KLHL2: variants seen among roughly 807,000 people sequenced by gnomAD.
KLHL2 encodes the protein kelch like family member 2, also known as kelch-like protein 2.
KLHL2 carries 15 observed loss-of-function variants against 75.8 expected under a neutral mutation model. The ratio of observed to expected loss-of-function variants is 0.20; its 90% CI spans 0.13 to 0.30. The LOEUF (loss-of-function observed/expected upper bound fraction) is 0.30, where lower values mean the gene tolerates loss of function less well. KLHL2 is among the 10% of genes least tolerant of loss of function. The pLI is 1.00. For missense variants in KLHL2, 381 were observed against 741.0 expected (o/e 0.51, Z 5.64); for synonymous variants, 214 against 251.9 (o/e 0.85, Z 1.42).
At chr4:165,305,009 G>A (rs1346594688) in intron 8 of KLHL2, among the ~76,000 whole-genome samples, 1 of 152,118 alleles carries the variant, frequency 6.6e-6, no homozygotes, top group Non-Finnish European at 1.5e-5. Flanking sequence ...ATGATATCTA[G>A]CATCTCCATT....
Position 165,291,752 on chromosome 4 carries a change from G to A in KLHL2, c.545-2607G>A, listed in dbSNP as rs191601119. Among the ~76,000 whole-genome samples the A allele has an allele frequency of 1.1e-3, 166 of 152,210 alleles. 3 individuals carry two copies. The South Asian group carries it at 0.013, about 12-fold the overall frequency. On this transcript the variant is annotated intron_variant, in intron 5 of 14. Coordinates refer to ENST00000226725, the MANE Select transcript of KLHL2 (RefSeq NM_007246.4). ...GGACCCCCAACAGGTACCAAAATCC[G>A]TGGGTTCTCCAGTCTCTTATATAAA...
At chr4:165,298,013 G>T (rs1379416723) in intron 7 of KLHL2, among the ~76,000 whole-genome samples, 1 of 152,164 alleles carries the variant, frequency 6.6e-6, no homozygotes, top group East Asian at 1.9e-4. Flanking sequence ...AGTAGAGTTG[G>T]GGTTTTGCCC....
intron 4 of KLHL2, among the ~76,000 whole-genome samples, chr4:165,246,635 G>A (rs141120521): frequency 0.02 from 3,109 of 152,262 alleles, 94 homozygotes; most frequent in African/African-American, 0.071. Flanking sequence ...ATCAAGAATG[G>A]CTCCTGCATT....
intron 5 of KLHL2, among the ~76,000 whole-genome samples, chr4:165,264,765 T>TATATA (rs1477707346): frequency 1.1e-5 from 1 of 94,152 alleles, no homozygotes; most frequent in Non-Finnish European, 2.0e-5. Context: ...TATATATATA[T>TATATA]AAAACATTAT....
chr4:165,239,041 G>T, intron 4 of KLHL2, 142 bp downstream of exon 4: 3 of 1,372,766 alleles, frequency 2.2e-6, no homozygotes, highest in Non-Finnish European at 1.9e-6. Flanking sequence ...TATTTGGAAT[G>T]ATTACACCTT....
chr4:165,276,339 A>G lies in KLHL2; in HGVS notation c.544+12980A>G, dbSNP rs191350011. ...ATGATCAAACTTTTTTATATGCGCA[A>G]GTATTTTCATGTGTGTCCCCTCTGT... On this transcript the variant is annotated intron_variant, in intron 5 of 14. Coordinates refer to ENST00000226725, the MANE Select transcript of KLHL2 (RefSeq NM_007246.4). 3.8e-3 allele frequency among the ~76,000 whole-genome samples: 581 copies of G among 152,274 alleles called. 1 individual carries two copies. Among genetic ancestry groups the G allele is most frequent in the South Asian group, 0.021 (100 of 4,826 alleles).
chr4:165,218,105 C>G (rs1737677329), intron 1 of KLHL2, among the ~76,000 whole-genome samples: 1 of 152,192 alleles, frequency 6.6e-6, no homozygotes, highest in African/African-American at 2.4e-5. Flanking sequence ...CCCTAAGCCA[C>G]TGTCATTTTT....
chr4:165,273,876 C>T (rs943698010), intron 5 of KLHL2, among the ~76,000 whole-genome samples: 1 of 152,172 alleles, frequency 6.6e-6, no homozygotes, highest in Non-Finnish European at 1.5e-5. Flanking sequence ...GGAGTCCATG[C>T]AGTAAGATGT....
At chr4:165,231,920 G>T (rs1738925344) in intron 3 of KLHL2, among the ~76,000 whole-genome samples, 3 of 151,992 alleles carry the variant, frequency 2.0e-5, no homozygotes, top group Admixed American at 6.6e-5. Flanking sequence ...CCAACACTTG[G>T]TACCGCTTTT....
intron 2 of KLHL2, among the ~76,000 whole-genome samples, chr4:165,226,952 G>A (rs1252533838): frequency 1.3e-5 from 2 of 152,054 alleles, no homozygotes; most frequent in Non-Finnish European, 1.5e-5. Flanking sequence ...ATTGTGGTGG[G>A]CACTAAATGA....
At chr4:165,273,497 G>A (rs1742848419) in intron 5 of KLHL2, among the ~76,000 whole-genome samples, 1 of 152,204 alleles carries the variant, frequency 6.6e-6, no homozygotes, top group South Asian at 2.1e-4. Flanking sequence ...CCCATGTGTG[G>A]TGGGAAGGAC....
chr4:165,318,898 G>A (rs369759527), intron 14 of KLHL2, among the ~76,000 whole-genome samples: 41 of 152,206 alleles, frequency 2.7e-4, no homozygotes, highest in African/African-American at 7.5e-4. Context: ...TAAAATATAC[G>A]TAGATACTAG....
rs550484376 is a variant in KLHL2 at position 165,320,295 on chromosome 4, C to A, written c.1754-1737C>A. The stretch of plus-strand genomic sequence containing the variant: ...ATCTAAAAAGTTGCTAACCCCCAAT[C>A]CTTGAAGGGAAAATATAAATACCAG... On this transcript the variant is annotated intron_variant, in intron 14 of 14. Transcript: ENST00000226725. Among the ~76,000 whole-genome samples, 13 of 152,282 alleles carry A rather than the reference C, an allele frequency of 8.5e-5. No homozygotes were observed. In the East Asian group the frequency reaches 2.3e-3, roughly 27 times the overall value.
At chr4:165,250,484 T>G (rs1426022159) in intron 4 of KLHL2, among the ~76,000 whole-genome samples, 1 of 152,216 alleles carries the variant, frequency 6.6e-6, no homozygotes, top group African/African-American at 2.4e-5. Context: ...CTAGTAAACT[T>G]CATGGCCCAG....
chr4:165,249,706 A>G (rs1262440112), intron 4 of KLHL2, among the ~76,000 whole-genome samples: 1 of 152,236 alleles, frequency 6.6e-6, no homozygotes, highest in African/African-American at 2.4e-5. Flanking sequence ...AAACTCCACC[A>G]GACACAGTGG....
intron 5 of KLHL2, among the ~76,000 whole-genome samples, chr4:165,270,282 G>A (rs1222941864): frequency 6.6e-6 from 1 of 152,144 alleles, no homozygotes; most frequent in African/African-American, 2.4e-5. Context: ...CTTTAGCTCA[G>A]AGAAGTTTGT....
chr4:165,269,573 A>G (rs988666605), intron 5 of KLHL2, among the ~76,000 whole-genome samples: 31 of 150,574 alleles, frequency 2.1e-4, no homozygotes, highest in Non-Finnish European at 8.9e-5. Context: ...TTACTTATGA[A>G]GCTGAGTTTG....
chr4:165,210,250 G>A (rs999387373), intron 1 of KLHL2: 39 of 1,414,910 alleles, frequency 2.8e-5, no homozygotes, highest in Middle Eastern at 3.5e-4. Flanking sequence ...GGCACTGTGC[G>A]TGGTGCTTTT....
At chr4:165,299,378 T>C (rs1745177495) in intron 7 of KLHL2, 129 bp from the exon 8 acceptor site, 1 of 759,732 alleles carries the variant, frequency 1.3e-6, no homozygotes, top group Non-Finnish European at 1.9e-6. Context: ...TAAACTTTCC[T>C]CGTTTATTTT....
Sources: gnomAD v4.1 joint callset for allele counts (sites outside exome capture counted in the v4.1 genomes callset) on GRCh38, gnomAD v4.1.1 for gene constraint, MANE v1.5 for transcripts, NCBI Gene and HGNC (gene_info 2026-07-23, HGNC 2026-07-21) for gene names.